The following HDAC7 variants were observed in gnomAD, a reference collection of about 807,000 sequenced individuals.
HDAC7 encodes the protein histone deacetylase 7A.
In HDAC7, 26 loss-of-function variants were observed where a neutral mutation model predicts 115.5. That is an observed-to-expected ratio of 0.23 (90% CI 0.16 to 0.31). The LOEUF is 0.31. HDAC7 is among the 10% of genes least tolerant of loss of function. The probability of loss-of-function intolerance (pLI) is 1.00; values close to 1 mark genes in which losing one functional copy is unlikely to be tolerated. For missense variants in HDAC7, 1,068 were observed against 1,329.0 expected (o/e 0.80, Z 3.05); for synonymous variants, 564 against 550.9 (o/e 1.02, Z -0.33).
chr12:47,790,000 A>C, intron 16 of HDAC7, 80 bp from the exon 17 acceptor site: 7 of 1,040,292 alleles, frequency 6.7e-6, no homozygotes, highest in Non-Finnish European at 1.0e-5. Flanking sequence ...TCCCCACCCC[A>C]CGGCCAGGAC....
Position 47,785,749 on chromosome 12 carries a change from C to T in HDAC7, c.2706+3G>A, listed in dbSNP as rs1943143054. Reference sequence around the variant, plus strand: ...GCATGGATGGGGGAGGGAGACGGCTCACCCTGTTACCCAGAAGAGCAGCCA... The same window carrying T: ...GCATGGATGGGGGAGGGAGACGGCTTACCCTGTTACCCAGAAGAGCAGCCA... On this transcript the variant is annotated splice_donor_region_variant and intron_variant, in intron 23 of 25. Transcript: ENST00000080059. The T allele has an allele frequency of 1.2e-6, 2 of 1,603,482 alleles. No individual in the cohort carries two copies. Among genetic ancestry groups the T allele is most frequent in the Admixed American group, 3.4e-5 (2 of 58,570 alleles).
Position 47,793,279 on chromosome 12 carries a change from C to A in HDAC7, c.1678+90G>T. 9.8e-7 allele frequency: 1 copy of A among 1,019,948 alleles called. No homozygotes were observed. Among genetic ancestry groups the A allele is most frequent in the East Asian group, 2.6e-5 (1 of 37,896 alleles). The allele number at this position is 1,019,948 out of a possible 1,614,324, so 63.2% of individuals were successfully genotyped here. On this transcript the variant is annotated intron_variant, in intron 13 of 25. Coordinates refer to ENST00000080059, the MANE Select transcript of HDAC7 (RefSeq NM_015401.5). This position sits in a 1 kb window ranked among gnomAD's most constrained non-coding sequence, Gnocchi z 4.5. Reference sequence around the variant, plus strand: ...AACAAGGCTAAGCACTCTGTGGCCTCTAAAAATGTCCCAAGTGACACCAAG... The same window carrying A: ...AACAAGGCTAAGCACTCTGTGGCCTATAAAAATGTCCCAAGTGACACCAAG...
chr12:47,819,806 A>G lies in HDAC7; in HGVS notation c.-21T>C, dbSNP rs1337073553. On this transcript the variant is annotated 5_prime_UTR_variant, in exon 1 of 26. Coordinates refer to ENST00000080059, the MANE Select transcript of HDAC7 (RefSeq NM_015401.5). The stretch of plus-strand genomic sequence containing the variant: ...TGCATCCAGGGGCCGGGGCCCTCAG[A>G]GCGGGGGGCTCATGGCGGGGCGGGG... 3 of 191,768 alleles carry G rather than the reference A, an allele frequency of 1.6e-5. No individual in the cohort carries two copies. The highest frequency in any genetic ancestry group is 3.9e-4 in the Admixed American group (2 of 5,078). The allele number at this position is 191,768 out of a possible 1,614,324, so 11.9% of individuals were successfully genotyped here. A position where few individuals can be genotyped will look rare whatever the true frequency, so the allele number is the denominator to read the frequency against.
Position 47,785,842 on chromosome 12 carries a change from G to A in HDAC7, c.2616C>T (p.Gly872=), listed in dbSNP as rs772485186. The part of the protein sequence containing the change: ...MTQQLMNLAG[G]AVVLALEGGH... ...CACCCTCCAAGGCCAGCACCACTGC[G>A]CCTCCTGCCAGGTTCATCAGTTGCT... Residue 872 remains glycine (G), a synonymous_variant, in exon 23 of 26, where the codon GGC becomes GGT. Transcript: ENST00000080059. 21 of 1,610,638 alleles carry A rather than the reference G, an allele frequency of 1.3e-5. No homozygotes were observed. The highest frequency in any genetic ancestry group is 2.7e-5 in the African/African-American group (2 of 74,768).
chr12:47,794,104 G>C (rs938028601), intron 12 of HDAC7, among the ~76,000 whole-genome samples: 2 of 152,136 alleles, frequency 1.3e-5, no homozygotes, highest in Non-Finnish European at 2.9e-5. Flanking sequence ...TATGACTATT[G>C]TCCTTATAGG....
At chr12:47,784,379 C>G (rs552671268) in intron 24 of HDAC7, 162 bp from the exon 25 acceptor site, 1 of 710,324 alleles carries the variant, frequency 1.4e-6, no homozygotes, top group Admixed American at 2.9e-5. Context: ...CTCCTCACTT[C>G]GCTCCCACTC....
chr12:47,812,217 C>G (rs1258026655), intron 1 of HDAC7, among the ~76,000 whole-genome samples: 2 of 152,154 alleles, frequency 1.3e-5, no homozygotes, highest in African/African-American at 2.4e-5. Flanking sequence ...AGGGAGTGAA[C>G]AAGAGAAGCA....
rs1592665112 is a variant in HDAC7, at chr12:47,798,048, C to T, written c.461+60G>A. The T allele has an allele frequency of 8.2e-7, 1 of 1,226,532 alleles. No individual in the cohort carries two copies. Among genetic ancestry groups the T allele is most frequent in the East Asian group, 2.3e-5 (1 of 42,848 alleles). The allele number at this position is 1,226,532 out of a possible 1,614,324, so 76.0% of individuals were successfully genotyped here. ...GGCAAGTGTGTGTGCTCATGGCTAA[C>T]ACGGGGGCGGGGGTGGAGGGTGCAT... On this transcript the variant is annotated intron_variant, in intron 5 of 25. Transcript: ENST00000080059. The surrounding 1 kb of genome is among the most constrained non-coding windows in gnomAD (Gnocchi z 4.3).
At chr12:47,800,885 G>T (rs1252304815) in intron 2 of HDAC7, among the ~76,000 whole-genome samples, 1 of 152,220 alleles carries the variant, frequency 6.6e-6, no homozygotes, top group Admixed American at 6.5e-5. Context: ...ACTTTTCGAG[G>T]TGCTTTAGCA....
At chr12:47,796,787 A>G (rs1943873737) in intron 7 of HDAC7, among the ~76,000 whole-genome samples, 1 of 152,318 alleles carries the variant, frequency 6.6e-6, no homozygotes, top group East Asian at 1.9e-4. Context: ...GCACCTTTGC[A>G]TAATTTTTTG....
chr12:47,791,117 G>C (rs564523184), intron 16 of HDAC7, 142 bp downstream of exon 16: 3 of 776,026 alleles, frequency 3.9e-6, no homozygotes, highest in Non-Finnish European at 6.6e-6. Context: ...GCTGCAGGGG[G>C]CACCTCAGGA....
At chr12:47,812,536 A>T (rs1192489885) in intron 1 of HDAC7, among the ~76,000 whole-genome samples, 1 of 152,246 alleles carries the variant, frequency 6.6e-6, no homozygotes. Context: ...TTTTCACATT[A>T]CAGATGAAGA....
chr12:47,784,756 T>C, intron 24 of HDAC7: 3 of 1,535,558 alleles, frequency 2.0e-6, no homozygotes, highest in Non-Finnish European at 1.7e-6. Flanking sequence ...TGCCTGCTGC[T>C]GTGAGGAACC....
At chr12:47,785,281 G>T in intron 24 of HDAC7, 106 bp downstream of exon 24, 1 of 902,082 alleles carries the variant, frequency 1.1e-6, no homozygotes, top group Non-Finnish European at 1.7e-6. Context: ...ACCAACAGCA[G>T]GTCACCTGGC....
chr12:47,805,990 TA>T (rs967645482), intron 1 of HDAC7, among the ~76,000 whole-genome samples: 7 of 152,132 alleles, frequency 4.6e-5, no homozygotes, highest in African/African-American at 1.7e-4. Context: ...TTGCAGATAC[TA>T]AAAAAAATTC....
chr12:47,797,556 C>A lies in HDAC7; in HGVS notation c.462-57G>T. The A allele has an allele frequency of 7.5e-7, 1 of 1,331,330 alleles. No individual in the cohort carries two copies. The highest frequency in any genetic ancestry group is 1.3e-5 in the South Asian group (1 of 75,222). 82.5% of individuals were successfully genotyped at this position (1,331,330 alleles called of 1,614,324 possible). On this transcript the variant is annotated intron_variant, in intron 5 of 25. Coordinates refer to ENST00000080059, the MANE Select transcript of HDAC7 (RefSeq NM_015401.5). This position sits in a 1 kb window ranked among gnomAD's most constrained non-coding sequence, Gnocchi z 5.5. ...GTGTGGGGACACTGCACGGGCACTG[C>A]CCTGAGCACGGGCCCTGGGACCTGA...
rs1592665059 is a variant in HDAC7, at chr12:47,798,027, A to G, written c.461+81T>C. The G allele has an allele frequency of 2.1e-6, 2 of 932,868 alleles. No homozygotes were observed. Among genetic ancestry groups the G allele is most frequent in the South Asian group, 2.6e-5 (2 of 76,654 alleles). The allele number at this position is 932,868 out of a possible 1,614,324, so 57.8% of individuals were successfully genotyped here. A position where few individuals can be genotyped will look rare whatever the true frequency, so the allele number is the denominator to read the frequency against. On this transcript the variant is annotated intron_variant, in intron 5 of 25. Coordinates refer to ENST00000080059, the MANE Select transcript of HDAC7 (RefSeq NM_015401.5). The surrounding 1 kb of genome is among the most constrained non-coding windows in gnomAD (Gnocchi z 4.3). ...GTGGCAACTGGGGAGGAAGGAGGCA[A>G]GTGTGTGTGCTCATGGCTAACACGG...
At chr12:47,787,621 G>GAC (rs1481934365) in intron 21 of HDAC7, 91 bp downstream of exon 21, 3 of 830,764 alleles carry the variant, frequency 3.6e-6, no homozygotes, top group Non-Finnish European at 5.7e-6. Context: ...GGGACAGGCT[G>GAC]ACAATCCAAC....
At position 47,803,699 on chromosome 12, in the gene HDAC7, C is replaced by T. The variant is rs992890397; in HGVS notation, c.20-1425G>A. Among the ~76,000 whole-genome samples, 10 of 152,190 alleles carry T rather than the reference C, an allele frequency of 6.6e-5. No individual in the cohort carries two copies. Among genetic ancestry groups the T allele is most frequent in the African/African-American group, 1.7e-4 (7 of 41,452 alleles). ...CCATGCCCATCTGCACCAAACACCT[C>T]GCAGGGCACGTGGCAGGCTCTGTTA... On this transcript the variant is annotated intron_variant, in intron 1 of 25. Transcript: ENST00000080059. This position sits in a 1 kb window ranked among gnomAD's most constrained non-coding sequence, Gnocchi z 4.0.
Sources: allele counts gnomAD v4.1 joint callset (sites outside exome capture counted in the v4.1 genomes callset), GRCh38; gene constraint gnomAD v4.1.1; non-coding constraint Gnocchi (gnomAD v3.1); transcripts MANE v1.5; gene names NCBI Gene and HGNC (gene_info 2026-07-23, HGNC 2026-07-21).